PRDM16: variants seen among roughly 807,000 people sequenced by gnomAD.
The protein encoded by PRDM16 is histone-lysine N-methyltransferase PRDM16.
A neutral mutation model predicts 110.6 loss-of-function variants in PRDM16; 23 were observed. The observed-to-expected ratio is 0.21, with a 90% CI of 0.15 to 0.29. The LOEUF (loss-of-function observed/expected upper bound fraction) is 0.29. Among genes scored for constraint, PRDM16 ranks in the 10% least tolerant of loss-of-function variants. The pLI, the probability that PRDM16 is intolerant of heterozygous loss-of-function variation, is 1.00. For synonymous variants in PRDM16, 799 were observed against 781.8 expected (o/e 1.02, Z -0.37); for missense variants, 1,615 against 1,794.3 (o/e 0.90, Z 1.81).
Position 3,157,897 on chromosome 1 carries a change from C to A in PRDM16, c.38-28228C>A, listed in dbSNP as rs958126477. ...CACCAACTATGCCATCTTCCTCCCA[C>A]TTAAACCTCTCTTTTGACAGAGGAC... On this transcript the variant is annotated intron_variant, in intron 1 of 16. Transcript: ENST00000270722. This position sits in a 1 kb window ranked among gnomAD's most constrained non-coding sequence, Gnocchi z 4.8. Among the ~76,000 whole-genome samples, 2 of 152,218 alleles carry A rather than the reference C, an allele frequency of 1.3e-5. No homozygotes were observed. Among genetic ancestry groups the A allele is most frequent in the African/African-American group, 4.8e-5 (2 of 41,456 alleles).
chr1:3,214,330 C>T (rs150465735), intron 2 of PRDM16, among the ~76,000 whole-genome samples: 49 of 152,226 alleles, frequency 3.2e-4, no homozygotes, highest in Middle Eastern at 3.4e-3. Context: ...TGCTGCTAGG[C>T]GACCCAGGGC....
At chr1:3,367,439 C>G (rs1363389442) in intron 3 of PRDM16, among the ~76,000 whole-genome samples, 4 of 152,196 alleles carry the variant, frequency 2.6e-5, no homozygotes, top group African/African-American at 9.6e-5. Flanking sequence ...TGAATTCAAG[C>G]TCTTTGCTGT....
intron 1 of PRDM16, among the ~76,000 whole-genome samples, chr1:3,159,325 G>A (rs900460410): frequency 6.6e-6 from 1 of 152,228 alleles, no homozygotes; most frequent in African/African-American, 2.4e-5. Context: ...CAGACCGCAG[G>A]GCTTGAGCAA....
chr1:3,158,748 T>C (rs1469954762), intron 1 of PRDM16, among the ~76,000 whole-genome samples: 1 of 149,234 alleles, frequency 6.7e-6, no homozygotes, highest in Admixed American at 6.6e-5. Flanking sequence ...TTCCCTTTTT[T>C]CTTTCTTTCT....
At chr1:3,283,687 G>A (rs997241915) in intron 3 of PRDM16, among the ~76,000 whole-genome samples, 1 of 152,200 alleles carries the variant, frequency 6.6e-6, no homozygotes, top group Admixed American at 6.6e-5. Context: ...AGGGTTATGG[G>A]GACCAGACCT....
rs548777555 is a variant in PRDM16, at chr1:3,176,734, A to G, written c.38-9391A>G. Among the ~76,000 whole-genome samples the G allele has an allele frequency of 6.2e-3, 912 of 147,964 alleles. 6 individuals carry two copies. Among genetic ancestry groups the G allele is most frequent in the African/African-American group, 0.022 (879 of 40,394 alleles). ...TATCCATCCATCCATCCATCCATCC[A>G]TCCATCCATCTATTCTTCCATCCAT... On this transcript the variant is annotated intron_variant, in intron 1 of 16. Coordinates refer to ENST00000270722, the MANE Select transcript of PRDM16 (RefSeq NM_022114.4).
chr1:3,293,669 G>A (rs569169973), intron 3 of PRDM16, among the ~76,000 whole-genome samples: 49 of 152,356 alleles, frequency 3.2e-4, no homozygotes, highest in African/African-American at 9.6e-4. Flanking sequence ...TGGTTGTCTC[G>A]GCTAATAGTA....
In PRDM16 at chr1:3,206,560, T is replaced by C. The variant is rs1009129; in HGVS notation, c.387+20086T>C. The C allele has an allele frequency of 0.36, 55,218 of 152,116 alleles. 14,162 individuals are homozygous for C. Among genetic ancestry groups the C allele is most frequent in the African/African-American group, 0.72 (29,678 of 41,454 alleles). The allele number at this position is 152,116 out of a possible 1,614,324, so 9.4% of individuals were successfully genotyped here. On this transcript the variant is annotated intron_variant, in intron 2 of 16. Coordinates refer to ENST00000270722, the MANE Select transcript of PRDM16 (RefSeq NM_022114.4). This position sits in a 1 kb window ranked among gnomAD's most constrained non-coding sequence, Gnocchi z 4.9. ...TGGCCCTTCCTGAGTCTGCTCACCC[T>C]CCGGACACACACGCATGCCTTCCCA...
At chr1:3,198,050 G>C (rs911376648) in intron 2 of PRDM16, among the ~76,000 whole-genome samples, 2 of 152,218 alleles carry the variant, frequency 1.3e-5, no homozygotes, top group African/African-American at 4.8e-5. Flanking sequence ...TGAGGGTGAC[G>C]CAACTGCTCA....
chr1:3,122,148 T>C (rs1053858374), intron 1 of PRDM16, among the ~76,000 whole-genome samples: 6 of 152,304 alleles, frequency 3.9e-5, no homozygotes, highest in African/African-American at 1.4e-4. Context: ...ACAGCCGGGC[T>C]GTGTGGCACA....
chr1:3,229,151 A>G (rs72631001), intron 2 of PRDM16, among the ~76,000 whole-genome samples: 14,910 of 152,254 alleles, frequency 0.098, 875 homozygotes, highest in South Asian at 0.24. Context: ...TGGAGCAAGC[A>G]GCCAGGGAGG....
rs1569749824 is a variant in PRDM16, at chr1:3,417,975, G to A, written c.2839G>A (p.Gly947Ser). The A allele has an allele frequency of 6.2e-7, 1 of 1,612,794 alleles. No homozygotes were observed. The highest frequency in any genetic ancestry group is 1.1e-5 in the South Asian group (1 of 91,032). ...GCTCTCCGACCCCATCCTCAGGAAG[G>A]GCAAGGAGCGATACACGTGCAGGTG... ...PTLSDPILRK[G>S]KERYTCRYCG... The change falls in exon 11 of 17, where the codon GGC (glycine) becomes AGC (serine). Residue 947 changes from glycine (G) to serine (S), a missense_variant. Physicochemically the swap from Gly to Ser is moderately conservative, Grantham distance 56. Coordinates refer to ENST00000270722, the MANE Select transcript of PRDM16 (RefSeq NM_022114.4).
At chr1:3,222,013 C>A (rs569854955) in intron 2 of PRDM16, among the ~76,000 whole-genome samples, 2 of 152,318 alleles carry the variant, frequency 1.3e-5, no homozygotes, top group African/African-American at 4.8e-5. Flanking sequence ...GCTCCCTAGA[C>A]CCTGGAGGGC....
intron 1 of PRDM16, among the ~76,000 whole-genome samples, chr1:3,180,921 T>C (rs573531447): frequency 8.2e-5 from 12 of 146,944 alleles, no homozygotes; most frequent in East Asian, 2.0e-4. Flanking sequence ...CACGCAGCCT[T>C]ACACACGCAG....
intron 1 of PRDM16, among the ~76,000 whole-genome samples, chr1:3,181,117 T>C (rs1362498205): frequency 2.5e-5 from 3 of 122,294 alleles, no homozygotes; most frequent in Non-Finnish European, 3.4e-5. Flanking sequence ...CACGCGGCCT[T>C]ACACACGCAG....
intron 1 of PRDM16, among the ~76,000 whole-genome samples, chr1:3,164,624 G>A (rs2651900): frequency 2.6e-5 from 4 of 152,118 alleles, no homozygotes; most frequent in Non-Finnish European, 5.9e-5. Flanking sequence ...ACCATGGTCG[G>A]AGGTGTGAGG....
Position 3,281,102 on chromosome 1 carries a change from T to C in PRDM16, c.438+36965T>C, listed in dbSNP as rs141875999. Among the ~76,000 whole-genome samples the C allele has an allele frequency of 4.6e-3, 705 of 152,342 alleles. 10 individuals carry two copies. The highest frequency in any genetic ancestry group is 0.016 in the African/African-American group (675 of 41,584). On this transcript the variant is annotated intron_variant, in intron 3 of 16. Transcript: ENST00000270722. Reference sequence around the variant, plus strand: ...GCCCACTGTCTCAAAAGTGGGGCCATTGGCATTCTGGACTGTCAAGAAGCT... The same window carrying C: ...GCCCACTGTCTCAAAAGTGGGGCCACTGGCATTCTGGACTGTCAAGAAGCT...
chr1:3,349,380 C>G (rs371467374), intron 3 of PRDM16, among the ~76,000 whole-genome samples: 4 of 152,194 alleles, frequency 2.6e-5, no homozygotes, highest in Non-Finnish European at 5.9e-5. Flanking sequence ...AGGTCATCGC[C>G]GAAGCTGCTG....
intron 3 of PRDM16, among the ~76,000 whole-genome samples, chr1:3,250,749 G>A (rs980979248): frequency 2.6e-5 from 4 of 152,228 alleles, no homozygotes; most frequent in African/African-American, 9.6e-5. Flanking sequence ...TCCAGCCCAA[G>A]TCCAAGAGCA....
Sources: gnomAD v4.1 joint callset for allele counts (sites outside exome capture counted in the v4.1 genomes callset) on GRCh38, gnomAD v4.1.1 for gene constraint, Gnocchi (gnomAD v3.1) non-coding constraint, MANE v1.5 for transcripts, NCBI Gene and HGNC (gene_info 2026-07-23, HGNC 2026-07-21) for gene names.